Variants in ADCY8 observed in about 807,000 individuals in gnomAD.
ADCY8 encodes the protein adenylate cyclase 8, also known as adenylate cyclase type 8.
ADCY8 carries 51 observed loss-of-function variants against 119.7 expected under a neutral mutation model. The ratio of observed to expected loss-of-function variants is 0.43; its 90% CI spans 0.34 to 0.54. ADCY8 has a LOEUF of 0.54. Among genes scored for constraint, ADCY8 ranks in the 20% least tolerant of loss-of-function variants. The pLI, the probability that ADCY8 is intolerant of heterozygous loss-of-function variation, is 0.03. For synonymous variants in ADCY8, 665 were observed against 651.0 expected (o/e 1.02, Z -0.33); for missense variants, 1,383 against 1,598.8 (o/e 0.87, Z 2.30).
chr8:130,992,133 G>A (rs1398050968), intron 1 of ADCY8, among the ~76,000 whole-genome samples: 1 of 150,580 alleles, frequency 6.6e-6, no homozygotes, highest in Non-Finnish European at 1.5e-5. Flanking sequence ...AGGCTGGAGT[G>A]CAGTAGTGTG....
chr8:130,968,000 T>G lies in ADCY8; in HGVS notation c.1111-16002A>C, dbSNP rs200162007. On this transcript the variant is annotated intron_variant, in intron 2 of 17. Transcript: ENST00000286355. ...TAATAATAGCTCCCTTGTGAGATTA[T>G]TGAACACAGTGTGATATGTTCTTGT... 2.4e-4 allele frequency among the ~76,000 whole-genome samples: 36 copies of G among 152,342 alleles called. No homozygotes were observed. The East Asian group carries it at 2.9e-3, about 12-fold the overall frequency.
chr8:130,883,558 A>G (rs1248440652), intron 8 of ADCY8, among the ~76,000 whole-genome samples: 3 of 152,216 alleles, frequency 2.0e-5, no homozygotes, highest in Admixed American at 2.0e-4. Context: ...CTCTAAACTA[A>G]GGAAAGCAAA....
chr8:130,821,375 C>T lies in ADCY8; in HGVS notation c.2721G>A (p.Met907Ile), dbSNP rs1306586517. ...TKEVSLLLMA[M>I]FLLAVFYHGQ... ...CATGGTAGAACACAGCCAGGAGGAACATGGCCATCAGTAGCAGTGATACCT... is the reference window on the plus strand; with the variant it reads ...CATGGTAGAACACAGCCAGGAGGAATATGGCCATCAGTAGCAGTGATACCT... The change falls in exon 13 of 18, where the codon ATG becomes ATA. Residue 907 changes from methionine to isoleucine, a missense_variant. Physicochemically the swap from Met to Ile is conservative, Grantham distance 10 (BLOSUM62 1). Around this residue, in one of 2 missense-constraint regions of ADCY8, gnomAD observed 928 missense variants for 1,163.5 expected, o/e 0.80. Transcript: ENST00000286355. 2 of 1,613,344 alleles carry T rather than the reference C, an allele frequency of 1.2e-6. No individual in the cohort carries two copies. Among genetic ancestry groups the T allele is most frequent in the African/African-American group, 2.7e-5 (2 of 74,882 alleles).
intron 7 of ADCY8, among the ~76,000 whole-genome samples, chr8:130,896,083 C>A (rs917803524): frequency 2.0e-5 from 3 of 152,112 alleles, no homozygotes; most frequent in Non-Finnish European, 2.9e-5. Flanking sequence ...TGGCTTAATT[C>A]CTGCTTGCCT....
intron 2 of ADCY8, among the ~76,000 whole-genome samples, chr8:130,989,035 C>T (rs1000439511): frequency 2.4e-4 from 36 of 152,308 alleles, no homozygotes; most frequent in African/African-American, 6.5e-4. Flanking sequence ...GTTTTGCACA[C>T]GAACATAATA....
intron 7 of ADCY8, among the ~76,000 whole-genome samples, chr8:130,887,108 G>A (rs1031002322): frequency 6.6e-6 from 1 of 152,004 alleles, no homozygotes; most frequent in South Asian, 2.1e-4. Flanking sequence ...ATGTGAACTG[G>A]TGAAAATGTT....
intron 8 of ADCY8, among the ~76,000 whole-genome samples, chr8:130,871,349 G>A (rs1316826008): frequency 1.3e-5 from 2 of 152,150 alleles, no homozygotes; most frequent in African/African-American, 4.8e-5. Context: ...CTAATCAAGA[G>A]CTAGATTAAG....
At chr8:130,961,421 A>ATCTTCAAAAATC (rs1821600651) in intron 2 of ADCY8, among the ~76,000 whole-genome samples, 1 of 149,632 alleles carries the variant, frequency 6.7e-6, no homozygotes, top group South Asian at 2.2e-4. Context: ...TTCTTCATAA[A>ATCTTCAAAAATC]TCTTCATAAA....
intron 3 of ADCY8, among the ~76,000 whole-genome samples, chr8:130,944,061 A>G (rs538207257): frequency 6.6e-6 from 1 of 152,328 alleles, no homozygotes; most frequent in African/African-American, 2.4e-5. Flanking sequence ...TTCTATGTAT[A>G]TGGCCTGGTA....
rs1411268796 is a variant in ADCY8 at position 130,822,559 on chromosome 8, C to CATGA, written c.2676-1140_2676-1139insTCAT. Among the ~76,000 whole-genome samples the CATGA allele has an allele frequency of 5.0e-3, 761 of 150,926 alleles. 2 individuals are homozygous for CATGA. Among genetic ancestry groups the CATGA allele is most frequent in the African/African-American group, 0.018 (740 of 41,274 alleles). ...GAATCCATCCATCCATCCATCCATC[C>CATGA]ATCCATCCATCCATCCATCCATCCA... On this transcript the variant is annotated intron_variant, in intron 12 of 17. Transcript: ENST00000286355.
chr8:130,896,527 C>A (rs1480352181), intron 7 of ADCY8, among the ~76,000 whole-genome samples: 1 of 152,038 alleles, frequency 6.6e-6, no homozygotes, highest in South Asian at 2.1e-4. Flanking sequence ...TCCCAGGGAA[C>A]AATATCACTC....
intron 14 of ADCY8, among the ~76,000 whole-genome samples, chr8:130,804,276 G>A (rs1248437722): frequency 6.6e-6 from 1 of 152,194 alleles, no homozygotes; most frequent in Non-Finnish European, 1.5e-5. Flanking sequence ...GTGTTGGCAG[G>A]TTGGTGTTGT....
chr8:130,963,620 G>T (rs548387171), intron 2 of ADCY8, among the ~76,000 whole-genome samples: 1 of 152,292 alleles, frequency 6.6e-6, no homozygotes, highest in African/African-American at 2.4e-5. Context: ...TGACAGGAGA[G>T]GGGGAGAGAT....
At chr8:130,817,991 A>G (rs187461597) in intron 13 of ADCY8, among the ~76,000 whole-genome samples, 1 of 152,362 alleles carries the variant, frequency 6.6e-6, no homozygotes, top group East Asian at 1.9e-4. Context: ...ATTGTAGTCT[A>G]TAAAACCAAC....
chr8:130,881,117 TCAGATCAAAATTGACC>T (rs1306978884), intron 8 of ADCY8, among the ~76,000 whole-genome samples: 1 of 151,928 alleles, frequency 6.6e-6, no homozygotes, highest in African/African-American at 2.4e-5. Context: ...CTAAAAAGAG[TCAGATCAAAATTGACC>T]CATGCCTTTC....
At chr8:130,892,959 A>T (rs1819240493) in intron 7 of ADCY8, among the ~76,000 whole-genome samples, 1 of 152,078 alleles carries the variant, frequency 6.6e-6, no homozygotes, top group African/African-American at 2.4e-5. Flanking sequence ...ACTCTATTCC[A>T]CCAATCTATT....
In ADCY8 at chr8:130,785,547, G is replaced by T. The variant is rs113141582; in HGVS notation, c.3061-72C>A. 3.5e-6 allele frequency: 4 copies of T among 1,132,236 alleles called. No homozygotes were observed. In the Middle Eastern group the frequency reaches 6.3e-4, roughly 180 times the overall value. The allele number at this position is 1,132,236 out of a possible 1,614,324, so 70.1% of individuals were successfully genotyped here. On this transcript the variant is annotated intron_variant, in intron 15 of 17. Transcript: ENST00000286355. ...CAGCAGCCTGGGCTCCTGAAAACAG[G>T]CCCCTGGCTCACAATGAGCTACCTC...
rs541228328 is a variant in ADCY8, at chr8:130,875,304, T to C, written c.2110-7358A>G. 3.3e-5 allele frequency among the ~76,000 whole-genome samples: 5 copies of C among 152,348 alleles called. No individual in the cohort carries two copies. The East Asian group carries it at 9.6e-4, about 29-fold the overall frequency. ...GGAGGAGGCCAAGATATTCATACTA[T>C]GTTGGGACTTACTAGAGCAGTAAAA... On this transcript the variant is annotated intron_variant, in intron 8 of 17. Coordinates refer to ENST00000286355, the MANE Select transcript of ADCY8 (RefSeq NM_001115.3).
intron 1 of ADCY8, among the ~76,000 whole-genome samples, chr8:130,992,394 TATATATA>T (rs1325292590): frequency 5.1e-5 from 6 of 117,754 alleles, no homozygotes; most frequent in African/African-American, 2.4e-4. Context: ...TATATATATA[TATATATA>T]TATATATATA....
Sources: gnomAD v4.1 joint callset for allele counts (sites outside exome capture counted in the v4.1 genomes callset) on GRCh38, gnomAD v4.1.1 for gene constraint, gnomAD v4.1.1 regional missense constraint, MANE v1.5 for transcripts, NCBI Gene and HGNC (gene_info 2026-07-23, HGNC 2026-07-21) for gene names.